PLA2G4A: variants seen among roughly 807,000 people sequenced by gnomAD.
PLA2G4A encodes cytosolic phospholipase A2.
In PLA2G4A, 40 loss-of-function variants were observed where a neutral mutation model predicts 81.9. The ratio of observed to expected loss-of-function variants is 0.49; its 90% CI spans 0.38 to 0.64. The LOEUF (loss-of-function observed/expected upper bound fraction) is 0.64. Ranked by LOEUF, PLA2G4A falls within the 30% of genes least tolerant of loss-of-function variation. The probability of loss-of-function intolerance (pLI) is 0.00; values close to 1 mark genes in which losing one functional copy is unlikely to be tolerated. For missense variants in PLA2G4A, 715 were observed against 905.1 expected, an observed-to-expected ratio of 0.79 and a Z score of 2.69; for synonymous variants, 302 against 296.9, an observed-to-expected ratio of 1.02 and a Z score of -0.18.
chr1:186,897,898 G>C (rs1654395605), intron 5 of PLA2G4A, among the ~76,000 whole-genome samples: 1 of 152,072 alleles, frequency 6.6e-6, no homozygotes, highest in Non-Finnish European at 1.5e-5. Context: ...GGCTTCTAAT[G>C]GTCCTGTCAT....
At chr1:186,859,801 G>A (rs1024021205) in intron 2 of PLA2G4A, among the ~76,000 whole-genome samples, 1 of 152,132 alleles carries the variant, frequency 6.6e-6, no homozygotes, top group Admixed American at 6.6e-5. Flanking sequence ...TCATGGACAC[G>A]TAGACTCTGA....
intron 3 of PLA2G4A, 131 bp downstream of exon 3, chr1:186,870,647 T>C (rs1653227971): frequency 2.4e-6 from 3 of 1,264,578 alleles, no homozygotes; most frequent in Non-Finnish European, 3.4e-6. Flanking sequence ...CTTTGAATGA[T>C]AACATTTCAA....
intron 15 of PLA2G4A, among the ~76,000 whole-genome samples, chr1:186,969,091 T>C (rs898617558): frequency 6.6e-6 from 1 of 151,854 alleles, no homozygotes; most frequent in African/African-American, 2.4e-5. Flanking sequence ...TTAAAGTTTG[T>C]CTTATTCTTG....
chr1:186,836,076 C>A (rs867847043), intron 1 of PLA2G4A, among the ~76,000 whole-genome samples: 3 of 151,894 alleles, frequency 2.0e-5, no homozygotes, highest in Non-Finnish European at 4.4e-5. Context: ...TCACTGTTTG[C>A]AGAAATTGTT....
Position 186,974,855 on chromosome 1 carries a change from G to C in PLA2G4A, c.1765-2738G>C, listed in dbSNP as rs1490052688. Among the ~76,000 whole-genome samples the C allele has an allele frequency of 2.0e-5, 3 of 152,186 alleles. No individual in the cohort carries two copies. The East Asian group carries it at 5.8e-4, about 29-fold the overall frequency. On this transcript the variant is annotated intron_variant, in intron 15 of 17. Coordinates refer to ENST00000367466, the MANE Select transcript of PLA2G4A (RefSeq NM_024420.3). ...ATGGTTTATCCATGCTATAATCACT[G>C]TATTTGCAATCATCTGTTTTTAATC...
intron 10 of PLA2G4A, among the ~76,000 whole-genome samples, chr1:186,942,267 G>A (rs551979471): frequency 1.5e-3 from 225 of 152,242 alleles, no homozygotes; most frequent in African/African-American, 5.0e-3. Context: ...CTATTATCTT[G>A]TGGAGCTTTG....
In PLA2G4A at chr1:186,937,030, T is replaced by G. The variant is rs199588032; in HGVS notation, c.696-1978T>G. Among the ~76,000 whole-genome samples, 5 of 74,420 alleles carry G rather than the reference T, an allele frequency of 6.7e-5. No homozygotes were observed. The African/African-American group carries it at 7.1e-4, about 11-fold the overall frequency. 48.8% of individuals were successfully genotyped at this position (74,420 alleles called of 152,430 possible). ...AAAAACTGGGGTGATACTTTTATGT[T>G]TTTTTTTTTTTATTTTTTGAGATAA... is the stretch of plus-strand genomic sequence containing the variant. On this transcript the variant is annotated intron_variant, in intron 8 of 17. Coordinates refer to ENST00000367466, the MANE Select transcript of PLA2G4A (RefSeq NM_024420.3).
chr1:186,911,048 C>T (rs1399623132), intron 6 of PLA2G4A, among the ~76,000 whole-genome samples, 200 bp from the exon 7 acceptor site: 1 of 152,158 alleles, frequency 6.6e-6, no homozygotes, highest in Non-Finnish European at 1.5e-5. Flanking sequence ...TCCTTTTTCT[C>T]TGAAAACATG....
chr1:186,934,461 T>TAC (rs778835783), intron 8 of PLA2G4A, among the ~76,000 whole-genome samples: 7,450 of 137,694 alleles, frequency 0.054, 443 homozygotes, highest in East Asian at 0.17. Context: ...TATATATATA[T>TAC]ATACATACAC....
rs144484998 is a variant in PLA2G4A at position 186,832,224 on chromosome 1, G to A, written c.-70+3189G>A. ...ACTATTATAAATAATATTTCATCTA[G>A]GACCTTTTTTATATATGTTAGTATA... On this transcript the variant is annotated intron_variant, in intron 1 of 17. Coordinates refer to ENST00000367466, the MANE Select transcript of PLA2G4A (RefSeq NM_024420.3). Among the ~76,000 whole-genome samples the A allele has an allele frequency of 3.9e-3, 591 of 151,766 alleles. 5 individuals carry two copies. The highest frequency in any genetic ancestry group is 0.013 in the African/African-American group (552 of 41,416).
chr1:186,867,690 C>T lies in PLA2G4A; in HGVS notation c.34-2745C>T, dbSNP rs568894082. ...TTCTCAATCTATATGCCTTTTATTTCCTTTTCTTATCTTATTGCATCAAAT... is the reference window on the plus strand; with the variant it reads ...TTCTCAATCTATATGCCTTTTATTTTCTTTTCTTATCTTATTGCATCAAAT... On this transcript the variant is annotated intron_variant, in intron 2 of 17. Coordinates refer to ENST00000367466, the MANE Select transcript of PLA2G4A (RefSeq NM_024420.3). Among the ~76,000 whole-genome samples, 207 of 151,964 alleles carry T rather than the reference C, an allele frequency of 1.4e-3. 2 individuals are homozygous for T. Among genetic ancestry groups the T allele is most frequent in the African/African-American group, 4.8e-3 (200 of 41,472 alleles).
chr1:186,950,366 T>A (rs1241955984), intron 12 of PLA2G4A, among the ~76,000 whole-genome samples: 1 of 152,152 alleles, frequency 6.6e-6, no homozygotes, highest in Non-Finnish European at 1.5e-5. Context: ...CTTCCTATAA[T>A]CAAGTTGTTA....
At chr1:186,927,011 G>A (rs573255958) in intron 7 of PLA2G4A, among the ~76,000 whole-genome samples, 10 of 152,220 alleles carry the variant, frequency 6.6e-5, no homozygotes, top group South Asian at 6.2e-4. Flanking sequence ...AAGCCTAAGC[G>A]TTTATTCTCT....
intron 1 of PLA2G4A, among the ~76,000 whole-genome samples, chr1:186,839,220 G>C (rs1368301886): frequency 6.6e-6 from 1 of 152,230 alleles, no homozygotes; most frequent in Non-Finnish European, 1.5e-5. Context: ...GGTGAGAAGA[G>C]AGAGTGTTTT....
intron 2 of PLA2G4A, among the ~76,000 whole-genome samples, chr1:186,857,443 A>G (rs546223192): frequency 1.5e-3 from 204 of 131,718 alleles, no homozygotes; most frequent in African/African-American, 5.6e-3. Flanking sequence ...ATAAATATAT[A>G]ATATAATATA....
chr1:186,893,918 CAAAAA>C (rs35114616), intron 4 of PLA2G4A, among the ~76,000 whole-genome samples, 175 bp from the exon 5 acceptor site: 3 of 118,292 alleles, frequency 2.5e-5, no homozygotes, highest in Non-Finnish European at 3.4e-5. Flanking sequence ...GACCCTGTCT[CAAAAA>C]AAAAAAAAAA....
Position 186,965,578 on chromosome 1 carries a change from T to C in PLA2G4A, c.1749T>C (p.Ser583=), listed in dbSNP as rs766887355. The C allele has an allele frequency of 1.2e-6, 2 of 1,610,606 alleles. No homozygotes were observed. Among genetic ancestry groups the C allele is most frequent in the Non-Finnish European group, 1.7e-6 (2 of 1,176,778 alleles). ...ACTTTTCTGCAAGGCCAAGTGACTC[T>C]AGTCCTCCGTTCAAGGTAAGGATAC... is the stretch of plus-strand genomic sequence containing the variant. ...SFDFSARPSD[S]SPPFKELLLA... is the part of the protein sequence containing the mutation. The change falls in exon 15 of 18, where the codon TCT becomes TCC. Residue 583 remains serine (S), a synonymous_variant. Transcript: ENST00000367466.
In PLA2G4A at chr1:186,940,029, A is replaced by G. The variant is rs754175499; in HGVS notation, c.968A>G (p.Gln323Arg). The part of the protein sequence containing the change: ...SSLKEKVNTA[Q>R]CPLPLFTCLH... ...TTGAAGGAAAAAGTTAATACTGCAC[A>G]ATGCCCTTTACCTCTTTTCACCTGT... Residue 323 changes from glutamine (Q) to arginine (R), a missense_variant, in exon 10 of 18, where the codon CAA (glutamine) becomes CGA (arginine). Gln to Arg is a conservative substitution (Grantham distance 43). Transcript: ENST00000367466. 14 of 1,609,028 alleles carry G rather than the reference A, an allele frequency of 8.7e-6. No individual in the cohort carries two copies. Among genetic ancestry groups the G allele is most frequent in the East Asian group, 2.2e-5 (1 of 44,840 alleles).
intron 14 of PLA2G4A, 81 bp from the exon 15 acceptor site, chr1:186,965,328 A>G (rs1657092792): frequency 3.5e-6 from 4 of 1,134,930 alleles, no homozygotes; most frequent in Non-Finnish European, 5.2e-6. Context: ...ATTCTTTCAA[A>G]TTTGAAACCA....
Sources: gnomAD v4.1 joint callset for allele counts (sites outside exome capture counted in the v4.1 genomes callset) on GRCh38, gnomAD v4.1.1 for gene constraint, MANE v1.5 for transcripts, NCBI Gene and HGNC (gene_info 2026-07-23, HGNC 2026-07-21) for gene names.